MAD1L1: variants seen among roughly 807,000 people sequenced by gnomAD.
The protein encoded by MAD1L1 is mitotic spindle assembly checkpoint protein MAD1.
Under a neutral mutation model 96.9 loss-of-function variants are expected in MAD1L1, and 95 were observed. The ratio of observed to expected loss-of-function variants is 0.98; its 90% CI spans 0.83 to 1.16. The LOEUF (loss-of-function observed/expected upper bound fraction) is 1.16. Ranked by LOEUF, MAD1L1 falls within the 50% of genes most tolerant of loss-of-function variation. The probability of loss-of-function intolerance (pLI) is 0.00; values close to 1 mark genes in which losing one functional copy is unlikely to be tolerated. For synonymous variants in MAD1L1, 473 were observed against 396.6 expected, an observed-to-expected ratio of 1.19 and a Z score of -2.29; for missense variants, 1,007 against 954.4, an observed-to-expected ratio of 1.06 and a Z score of -0.73.
chr7:2,220,880 G>C (rs754107594), intron 5 of MAD1L1: 12 of 1,607,944 alleles, frequency 7.5e-6, no homozygotes, highest in Non-Finnish European at 1.0e-5. Flanking sequence ...CAATTAATAC[G>C]CACCGTGTGC....
At chr7:2,070,125 G>A (rs1042510067) in intron 11 of MAD1L1, among the ~76,000 whole-genome samples, 8 of 152,222 alleles carry the variant, frequency 5.3e-5, no homozygotes, top group Admixed American at 6.5e-5. Context: ...TTCCGAGTTC[G>A]TGGCCTGGCA....
intron 16 of MAD1L1, 84 bp downstream of exon 16, chr7:1,957,545 G>T: frequency 1.5e-6 from 2 of 1,331,546 alleles, no homozygotes; most frequent in Non-Finnish European, 2.1e-6. Flanking sequence ...GTGTTCTGTG[G>T]CAGCAGGAAC....
chr7:1,915,372 A>T (rs1048016830), intron 17 of MAD1L1, among the ~76,000 whole-genome samples: 2 of 152,202 alleles, frequency 1.3e-5, no homozygotes, highest in Non-Finnish European at 1.5e-5. Flanking sequence ...CCTGGCTGGG[A>T]AGGAGACCTG....
At chr7:2,212,197 G>A (rs1792983784) in intron 10 of MAD1L1, among the ~76,000 whole-genome samples, 2 of 152,214 alleles carry the variant, frequency 1.3e-5, no homozygotes, top group Non-Finnish European at 1.5e-5. Context: ...AGGACAGACA[G>A]GACCAGACCT....
intron 13 of MAD1L1, among the ~76,000 whole-genome samples, chr7:2,011,322 C>G (rs541288954): frequency 6.6e-6 from 1 of 152,348 alleles, no homozygotes; most frequent in South Asian, 2.1e-4. Context: ...TGCCACACTT[C>G]ATGTGCAGCC....
chr7:2,097,334 G>GGC (rs1786545937), intron 11 of MAD1L1, among the ~76,000 whole-genome samples: 1 of 152,194 alleles, frequency 6.6e-6, no homozygotes, highest in Admixed American at 6.5e-5. Context: ...CCAAGACCAA[G>GGC]TGGACAGGAC....
chr7:2,088,123 G>A lies in MAD1L1; in HGVS notation c.1074-18785C>T, dbSNP rs1178136454. On this transcript the variant is annotated intron_variant, in intron 11 of 18. Transcript: ENST00000265854. This position sits in a 1 kb window ranked among gnomAD's most constrained non-coding sequence, Gnocchi z 4.4. Reference sequence around the variant, plus strand: ...TTAAAAGTCTACACACAAAGCACCCGCACAGGCTGAGTGGAAATATGGGGG... The same window carrying A: ...TTAAAAGTCTACACACAAAGCACCCACACAGGCTGAGTGGAAATATGGGGG... 2.0e-5 allele frequency among the ~76,000 whole-genome samples: 3 copies of A among 152,250 alleles called. No individual in the cohort carries two copies. The highest frequency in any genetic ancestry group is 2.1e-4 in the South Asian group (1 of 4,820).
intron 18 of MAD1L1, among the ~76,000 whole-genome samples, chr7:1,886,283 C>T (rs945592915): frequency 1.2e-4 from 19 of 152,178 alleles, no homozygotes; most frequent in Non-Finnish European, 1.0e-4. Context: ...GATCAGTGCA[C>T]GGGAGATGGT....
intron 11 of MAD1L1, among the ~76,000 whole-genome samples, chr7:2,096,562 C>A (rs1172146318): frequency 6.6e-6 from 1 of 152,148 alleles, no homozygotes; most frequent in Non-Finnish European, 1.5e-5. Context: ...GCGGGGCGGG[C>A]ACTGAAACAG....
At chr7:2,202,415 C>G (rs1161581857) in intron 10 of MAD1L1, among the ~76,000 whole-genome samples, 1 of 152,228 alleles carries the variant, frequency 6.6e-6, no homozygotes, top group African/African-American at 2.4e-5. Context: ...TCTCCAGCTC[C>G]AGGGTCCTGG....
chr7:1,988,211 C>T (rs887223233), intron 14 of MAD1L1, among the ~76,000 whole-genome samples: 3 of 152,190 alleles, frequency 2.0e-5, no homozygotes, highest in Non-Finnish European at 4.4e-5. Flanking sequence ...CGCTTCCTGA[C>T]ATGGCGGAGG....
At chr7:1,852,958 C>T (rs764767494) in intron 18 of MAD1L1, among the ~76,000 whole-genome samples, 8 of 152,230 alleles carry the variant, frequency 5.3e-5, no homozygotes, top group Non-Finnish European at 7.3e-5. Flanking sequence ...TCCTCTAGCA[C>T]GCACCAAGCA....
chr7:1,924,789 A>G (rs537230516), intron 17 of MAD1L1, among the ~76,000 whole-genome samples: 1 of 152,250 alleles, frequency 6.6e-6, no homozygotes, highest in South Asian at 2.1e-4. Context: ...ACATATAGAG[A>G]GTAAGTACAT....
At chr7:1,900,055 G>A (rs1368052503) in intron 17 of MAD1L1, among the ~76,000 whole-genome samples, 1 of 152,316 alleles carries the variant, frequency 6.6e-6, no homozygotes, top group East Asian at 1.9e-4. Flanking sequence ...CAGATCACGT[G>A]CCGGAGGCCA....
chr7:2,160,327 C>CTTT (rs1200519930), intron 10 of MAD1L1, among the ~76,000 whole-genome samples: 1 of 134,432 alleles, frequency 7.4e-6, no homozygotes. Context: ...CCACTGGATC[C>CTTT]TATTTTTTTT....
chr7:1,981,621 GGA>G (rs1444417403), intron 14 of MAD1L1, among the ~76,000 whole-genome samples: 4 of 152,202 alleles, frequency 2.6e-5, no homozygotes, highest in East Asian at 3.9e-4. Flanking sequence ...CACGAAGGGA[GGA>G]GGAAGGGCAG....
chr7:1,835,367 G>A (rs1228577686), intron 18 of MAD1L1, among the ~76,000 whole-genome samples: 1 of 152,210 alleles, frequency 6.6e-6, no homozygotes, highest in Non-Finnish European at 1.5e-5. Flanking sequence ...TGGGCAAGTG[G>A]AAGTGCAAGT....
intron 11 of MAD1L1, among the ~76,000 whole-genome samples, chr7:2,093,920 C>T (rs1786344443): frequency 6.6e-6 from 1 of 152,216 alleles, no homozygotes. Context: ...GTCGGAACCC[C>T]CAGAAGCTGC....
At chr7:1,880,052 G>A (rs1785599350) in intron 18 of MAD1L1, among the ~76,000 whole-genome samples, 1 of 152,168 alleles carries the variant, frequency 6.6e-6, no homozygotes, top group African/African-American at 2.4e-5. Flanking sequence ...TTCAACAAAA[G>A]TACCAAGGTA....
Sources: allele counts gnomAD v4.1 joint callset (sites outside exome capture counted in the v4.1 genomes callset), GRCh38; gene constraint gnomAD v4.1.1; non-coding constraint Gnocchi (gnomAD v3.1); transcripts MANE v1.5; gene names NCBI Gene and HGNC (gene_info 2026-07-23, HGNC 2026-07-21).